The following RBFOX3 variants were observed in gnomAD, a reference collection of about 807,000 sequenced individuals.
RBFOX3 encodes RNA binding protein fox-1 homolog 3.
RBFOX3 carries 17 observed loss-of-function variants against 48.7 expected under a neutral mutation model. The ratio of observed to expected loss-of-function variants is 0.35; its 90% CI spans 0.24 to 0.52. The LOEUF (loss-of-function observed/expected upper bound fraction) is 0.52, where lower values mean the gene tolerates loss of function less well. RBFOX3 is among the 20% of genes least tolerant of loss of function. RBFOX3 has a pLI of 0.94. For synonymous variants in RBFOX3, 212 were observed against 209.5 expected (o/e 1.01, Z -0.10); for missense variants, 382 against 497.5 (o/e 0.77, Z 2.21).
chr17:79,218,028 G>C (rs1012279132), intron 4 of RBFOX3, among the ~76,000 whole-genome samples: 1 of 152,132 alleles, frequency 6.6e-6, no homozygotes, highest in Admixed American at 6.5e-5. Context: ...GGGGTAGAGG[G>C]AGGCAGGACC....
chr17:79,635,810 A>G, the RBFOX3 span, among the ~76,000 whole-genome samples: 2 of 152,364 alleles, frequency 1.3e-5, no homozygotes, highest in Admixed American at 6.5e-5. Context: ...GTCATTAAAC[A>G]TAGGAAAAGA....
At chr17:79,538,853 A>G (rs2089256240) in intron 1 of RBFOX3, among the ~76,000 whole-genome samples, 1 of 152,208 alleles carries the variant, frequency 6.6e-6, no homozygotes, top group South Asian at 2.1e-4. Flanking sequence ...AAGTCAAAGC[A>G]TGGGTATGGC....
the RBFOX3 span, among the ~76,000 whole-genome samples, chr17:79,625,355 C>T: frequency 6.6e-6 from 1 of 152,248 alleles, no homozygotes; most frequent in Admixed American, 6.5e-5. Context: ...CACTCCTTTT[C>T]ATTGCTGAGT....
chr17:79,199,978 T>C lies in RBFOX3; in HGVS notation c.-34+35788A>G, dbSNP rs1445361702. 1.3e-5 allele frequency among the ~76,000 whole-genome samples: 2 copies of C among 152,040 alleles called. No homozygotes were observed. Among genetic ancestry groups the C allele is most frequent in the African/African-American group, 4.8e-5 (2 of 41,390 alleles). Reference sequence around the variant, plus strand: ...GAGTTCAAGACCAGCCTGGCCAACATGGTGAAACTCCGTCTCTACCAAAAG... The same window carrying C: ...GAGTTCAAGACCAGCCTGGCCAACACGGTGAAACTCCGTCTCTACCAAAAG... On this transcript the variant is annotated intron_variant, in intron 4 of 14. Transcript: ENST00000693108. The surrounding 1 kb of genome is among the most constrained non-coding windows in gnomAD (Gnocchi z 5.1).
At chr17:79,440,226 A>G (rs1555733924) in intron 2 of RBFOX3, among the ~76,000 whole-genome samples, 1 of 152,246 alleles carries the variant, frequency 6.6e-6, no homozygotes, top group African/African-American at 2.4e-5. Context: ...CAGGGTTAAT[A>G]GCGTCCGTCT....
At chr17:79,318,445 C>T (rs370845023) in intron 2 of RBFOX3, among the ~76,000 whole-genome samples, 1 of 152,154 alleles carries the variant, frequency 6.6e-6, no homozygotes, top group Non-Finnish European at 1.5e-5. Context: ...TATGGCTCCC[C>T]CTCTCAGCAA....
rs1046946920 is a variant in RBFOX3, at chr17:79,480,562, C to G, written c.-175+1892G>C. Among the ~76,000 whole-genome samples, 40 of 152,304 alleles carry G rather than the reference C, an allele frequency of 2.6e-4. No homozygotes were observed. The highest frequency in any genetic ancestry group is 1.8e-3 in the Admixed American group (28 of 15,304). ...TCTGCATCCAGCCCTGGACCCTCTT[C>G]GTCATCTCCTTCCTCCACCTGCACA... On this transcript the variant is annotated intron_variant, in intron 2 of 14. Coordinates refer to ENST00000693108, the MANE Select transcript of RBFOX3 (RefSeq NM_001350451.2). The surrounding 1 kb of genome is among the most constrained non-coding windows in gnomAD (Gnocchi z 4.8).
chr17:79,183,820 C>T (rs562154661), intron 4 of RBFOX3, among the ~76,000 whole-genome samples: 108 of 152,324 alleles, frequency 7.1e-4, no homozygotes, highest in Non-Finnish European at 1.4e-3. Flanking sequence ...GACGGCACAA[C>T]AGCTGATCCC....
chr17:79,121,586 A>C (rs1703101228), intron 4 of RBFOX3, among the ~76,000 whole-genome samples: 1 of 152,136 alleles, frequency 6.6e-6, no homozygotes. Flanking sequence ...TTGCAATGTG[A>C]CTGATGTGTC....
In RBFOX3 at chr17:79,477,326, GC is replaced by G. The variant is rs2077993087; in HGVS notation, c.-175+5127del. ...AATCCCAGCACTTTGGGAGGCCAAG[GC>G]AGGTGGATCACGAGGTCAGGAGATC... On this transcript the variant is annotated intron_variant, in intron 2 of 14. Transcript: ENST00000693108. The surrounding 1 kb of genome is among the most constrained non-coding windows in gnomAD (Gnocchi z 4.8). Among the ~76,000 whole-genome samples, 1 of 150,936 alleles carries G rather than the reference GC, an allele frequency of 6.6e-6. No individual in the cohort carries two copies. Among genetic ancestry groups the G allele is most frequent in the African/African-American group, 2.4e-5 (1 of 41,164 alleles).
chr17:79,150,078 G>GGGTTTGCA (rs2044080185), intron 4 of RBFOX3, among the ~76,000 whole-genome samples: 1 of 144,950 alleles, frequency 6.9e-6, no homozygotes, highest in African/African-American at 2.5e-5. Context: ...GGGGGTTTGG[G>GGGTTTGCA]GTGGATCTAG....
At chr17:79,230,949 TAAC>T (rs2060965391) in intron 4 of RBFOX3, among the ~76,000 whole-genome samples, 1 of 151,838 alleles carries the variant, frequency 6.6e-6, no homozygotes, top group South Asian at 2.1e-4. Context: ...CCGAGAACAA[TAAC>T]AACAAGCTGA....
Position 79,090,730 on chromosome 17 carries a change from C to T in RBFOX3, c.*153G>A, listed in dbSNP as rs1192256399. The T allele has an allele frequency of 7.2e-6, 7 of 970,826 alleles. No individual in the cohort carries two copies. The highest frequency in any genetic ancestry group is 5.3e-5 in the East Asian group (2 of 37,808). The allele number at this position is 970,826 out of a possible 1,614,324, so 60.1% of individuals were successfully genotyped here. On this transcript the variant is annotated 3_prime_UTR_variant, in exon 15 of 15. Transcript: ENST00000693108. ...TCGGTGCGGGCGTGTGGCCAGGACG[C>T]GGGACTTGGACTTGGTTGGATGCCT... is the stretch of plus-strand genomic sequence containing the variant.
chr17:79,132,938 T>G, intron 4 of RBFOX3: 1 of 152,340 alleles, frequency 6.6e-6, no homozygotes, highest in Admixed American at 6.5e-5. Context: ...GTCCTGAGGA[T>G]GATCCCCTTG....
chr17:79,343,680 C>T (rs2082436294), intron 2 of RBFOX3, among the ~76,000 whole-genome samples: 1 of 152,178 alleles, frequency 6.6e-6, no homozygotes, highest in African/African-American at 2.4e-5. Flanking sequence ...ACACTGACCC[C>T]TAGTAACAGA....
At chr17:79,276,108 C>G (rs2068755405) in intron 3 of RBFOX3, among the ~76,000 whole-genome samples, 1 of 152,184 alleles carries the variant, frequency 6.6e-6, no homozygotes, top group Non-Finnish European at 1.5e-5. Context: ...CGCTCAGAGG[C>G]AGAAGCCACA....
intron 14 of RBFOX3, chr17:79,091,958 A>AAATTT (rs919096096): frequency 7.1e-6 from 7 of 985,344 alleles, no homozygotes; most frequent in Non-Finnish European, 8.4e-6. Flanking sequence ...ATCGTCAATA[A>AAATTT]AATTTAATGA....
chr17:79,356,415 C>T (rs2085137545), intron 2 of RBFOX3, among the ~76,000 whole-genome samples: 1 of 115,802 alleles, frequency 8.6e-6, no homozygotes, highest in Non-Finnish European at 1.6e-5. Flanking sequence ...GTCACCCAGG[C>T]TAGAGTGCTG....
At chr17:79,614,351 G>T (rs1262525148), upstream of RBFOX3, among the ~76,000 whole-genome samples, 1 of 152,206 alleles carries the variant, frequency 6.6e-6, no homozygotes, top group South Asian at 2.1e-4. Context: ...CACCCTCCTG[G>T]CAGGAGGCCG....
Sources: allele counts gnomAD v4.1 joint callset (sites outside exome capture counted in the v4.1 genomes callset), GRCh38; gene constraint gnomAD v4.1.1; non-coding constraint Gnocchi (gnomAD v3.1); transcripts MANE v1.5; gene names NCBI Gene and HGNC (gene_info 2026-07-23, HGNC 2026-07-21).